CFAP299: variants seen among roughly 807,000 people sequenced by gnomAD.
The protein encoded by CFAP299 is cilia- and flagella-associated protein 299.
Under a neutral mutation model 27.0 loss-of-function variants are expected in CFAP299, and 21 were observed. The ratio of observed to expected loss-of-function variants is 0.78; its 90% CI spans 0.55 to 1.12. The LOEUF (loss-of-function observed/expected upper bound fraction) is 1.12. Among genes scored for constraint, CFAP299 ranks in the 50% most tolerant of loss-of-function variants. CFAP299 has a pLI of 0.00. For missense variants in CFAP299, 310 were observed against 276.6 expected (o/e 1.12, Z -0.86); for synonymous variants, 104 against 98.1 (o/e 1.06, Z -0.36).
At chr4:80,808,085 A>G (rs1728958085) in intron 3 of CFAP299, among the ~76,000 whole-genome samples, 1 of 152,106 alleles carries the variant, frequency 6.6e-6, no homozygotes, top group Non-Finnish European at 1.5e-5. Context: ...AGAACCTTAA[A>G]AAGTTAAACA....
chr4:80,387,768 G>A (rs533041113), intron 2 of CFAP299: 116 of 1,588,512 alleles, frequency 7.3e-5, no homozygotes, highest in African/African-American at 9.4e-5. Context: ...AGTTTTTGGT[G>A]AATGACTTGT....
rs75533580 is a variant in CFAP299 at position 80,834,720 on chromosome 4, G to A, written c.334-35273G>A. Among the ~76,000 whole-genome samples, 51 of 152,204 alleles carry A rather than the reference G, an allele frequency of 3.4e-4. No homozygotes were observed. In the East Asian group the frequency reaches 7.3e-3, roughly 22 times the overall value. On this transcript the variant is annotated intron_variant, in intron 3 of 5. Transcript: ENST00000358105. Reference sequence around the variant, plus strand: ...ATTATCACTAATCCTGGTAGTCGGCGGACAGGGCAGTTCTTACCACATTTC... The same window carrying A: ...ATTATCACTAATCCTGGTAGTCGGCAGACAGGGCAGTTCTTACCACATTTC...
At chr4:80,918,601 G>A (rs1735878213) in intron 4 of CFAP299, among the ~76,000 whole-genome samples, 1 of 152,052 alleles carries the variant, frequency 6.6e-6, no homozygotes. Flanking sequence ...AATTTTAAGA[G>A]CAAACTGATA....
chr4:80,907,131 CA>C lies in CFAP299; in HGVS notation c.476+36997del, dbSNP rs548458373. On this transcript the variant is annotated intron_variant, in intron 4 of 5. Coordinates refer to ENST00000358105, the MANE Select transcript of CFAP299 (RefSeq NM_152770.3). The stretch of plus-strand genomic sequence containing the variant: ...TTCAAAGTCCCACAGACCTCTAGGG[CA>C]GGGTCAAAATGCTACCTTTAGCTCA... Among the ~76,000 whole-genome samples the C allele has an allele frequency of 2.0e-5, 3 of 152,284 alleles. No homozygotes were observed. In the South Asian group the frequency reaches 6.2e-4, roughly 32 times the overall value.
intron 3 of CFAP299, among the ~76,000 whole-genome samples, chr4:80,814,446 C>T (rs78654070): frequency 0.011 from 1,596 of 151,838 alleles, 31 homozygotes; most frequent in African/African-American, 0.035. Context: ...TTTTGAAGGC[C>T]GTTAGATAGT....
chr4:80,621,621 A>G (rs1328369308), intron 3 of CFAP299, among the ~76,000 whole-genome samples: 1 of 152,098 alleles, frequency 6.6e-6, no homozygotes, highest in Admixed American at 6.6e-5. Context: ...ACTATTCCAG[A>G]TATTGAAAAT....
At chr4:80,898,892 T>G (rs1292408683) in intron 4 of CFAP299, among the ~76,000 whole-genome samples, 1 of 152,062 alleles carries the variant, frequency 6.6e-6, no homozygotes, top group African/African-American at 2.4e-5. Context: ...GACAAAATAA[T>G]CAAGAACAGC....
chr4:80,720,462 C>T (rs1019004798), intron 3 of CFAP299, among the ~76,000 whole-genome samples: 2 of 152,104 alleles, frequency 1.3e-5, no homozygotes, highest in African/African-American at 4.8e-5. Flanking sequence ...GGTCTAACTA[C>T]TCTTACTTTT....
At chr4:80,680,514 G>C (rs11736351) in intron 3 of CFAP299, among the ~76,000 whole-genome samples, 10,283 of 152,050 alleles carry the variant, frequency 0.068, 773 homozygotes, top group African/African-American at 0.18. Context: ...TTTGTAACAA[G>C]GGCAATATCT....
intron 2 of CFAP299, among the ~76,000 whole-genome samples, chr4:80,556,399 A>G (rs1450783507): frequency 6.6e-6 from 1 of 152,092 alleles, no homozygotes. Context: ...TGTGGCATAC[A>G]ACAATTTAAC....
chr4:80,897,073 C>G (rs1274449716), intron 4 of CFAP299, among the ~76,000 whole-genome samples: 1 of 152,048 alleles, frequency 6.6e-6, no homozygotes, highest in Non-Finnish European at 1.5e-5. Context: ...AAAGGCATGG[C>G]AAATTTTAGG....
chr4:80,443,892 C>G (rs1033767496), intron 2 of CFAP299, among the ~76,000 whole-genome samples: 1 of 152,028 alleles, frequency 6.6e-6, no homozygotes, highest in African/African-American at 2.4e-5. Flanking sequence ...CAGTAATAGA[C>G]AAACAGAGCC....
intron 1 of CFAP299, among the ~76,000 whole-genome samples, chr4:80,353,552 G>A (rs1723112557): frequency 6.6e-6 from 1 of 152,194 alleles, no homozygotes; most frequent in Non-Finnish European, 1.5e-5. Flanking sequence ...GATGGCATTT[G>A]AGTATGCCAT....
intron 1 of CFAP299, among the ~76,000 whole-genome samples, chr4:80,359,130 A>C (rs1723418754): frequency 6.6e-6 from 1 of 152,074 alleles, no homozygotes; most frequent in Non-Finnish European, 1.5e-5. Flanking sequence ...TTTCTTTAAG[A>C]ATGTTGAATA....
chr4:80,415,571 A>T (rs1328226431), intron 2 of CFAP299, among the ~76,000 whole-genome samples: 1 of 152,160 alleles, frequency 6.6e-6, no homozygotes, highest in African/African-American at 2.4e-5. Context: ...TATACATGGG[A>T]AATACTGGTT....
At chr4:80,945,357 C>CT (rs1250562097) in intron 5 of CFAP299, among the ~76,000 whole-genome samples, 4 of 152,152 alleles carry the variant, frequency 2.6e-5, no homozygotes, top group African/African-American at 9.7e-5. Flanking sequence ...GTGTATGTGA[C>CT]TAACACTAAA....
At chr4:80,827,237 A>G (rs1560432063) in intron 3 of CFAP299, among the ~76,000 whole-genome samples, 1 of 151,848 alleles carries the variant, frequency 6.6e-6, no homozygotes, top group African/African-American at 2.4e-5. Flanking sequence ...TTAATCAGAT[A>G]CCAAAGTCAA....
intron 2 of CFAP299, among the ~76,000 whole-genome samples, chr4:80,440,026 C>G (rs1021465516): frequency 6.6e-6 from 1 of 152,182 alleles, no homozygotes; most frequent in African/African-American, 2.4e-5. Flanking sequence ...GGCAGGGCAT[C>G]TCTGAAAGAA....
chr4:80,538,022 C>T (rs1490525607), intron 2 of CFAP299, among the ~76,000 whole-genome samples: 1 of 152,050 alleles, frequency 6.6e-6, no homozygotes, highest in African/African-American at 2.4e-5. Context: ...AATCATCTTT[C>T]AGCCAATGAT....
Sources: allele counts gnomAD v4.1 joint callset (sites outside exome capture counted in the v4.1 genomes callset), GRCh38; gene constraint gnomAD v4.1.1; transcripts MANE v1.5; gene names NCBI Gene and HGNC (gene_info 2026-07-23, HGNC 2026-07-21).